Variants in TPST2 observed in about 807,000 individuals in gnomAD.
TPST2 encodes tyrosylprotein sulfotransferase 2.
A neutral mutation model predicts 27.8 loss-of-function variants in TPST2; 16 were observed. That is an observed-to-expected ratio of 0.58 (90% CI 0.39 to 0.88). TPST2 has a LOEUF of 0.88. TPST2 is among the 40% of genes least tolerant of loss of function. The probability of loss-of-function intolerance (pLI) is 0.00; values close to 1 mark genes in which losing one functional copy is unlikely to be tolerated. For synonymous variants in TPST2, 229 were observed against 231.7 expected (o/e 0.99, Z 0.10); for missense variants, 464 against 543.1 (o/e 0.85, Z 1.45).
At chr22:26,530,778 G>A (rs558928199) in intron 5 of TPST2, among the ~76,000 whole-genome samples, 4 of 152,294 alleles carry the variant, frequency 2.6e-5, no homozygotes, top group South Asian at 2.1e-4. Context: ...GGGAGGCCGA[G>A]GTGGGTGGAT....
At chr22:26,589,013 C>A (rs1483983125) in intron 1 of TPST2, among the ~76,000 whole-genome samples, 1 of 152,104 alleles carries the variant, frequency 6.6e-6, no homozygotes, top group Non-Finnish European at 1.5e-5. Flanking sequence ...GGAAGGCTTC[C>A]CGGAGGAGGT....
chr22:26,568,409 G>A (rs1253283487), intron 1 of TPST2, among the ~76,000 whole-genome samples: 1 of 152,164 alleles, frequency 6.6e-6, no homozygotes, highest in Non-Finnish European at 1.5e-5. Flanking sequence ...AAGAGGTCAG[G>A]CATTCTTTGT....
intron 1 of TPST2, among the ~76,000 whole-genome samples, chr22:26,583,551 G>A (rs1181497624): frequency 3.1e-5 from 4 of 130,528 alleles, no homozygotes; most frequent in East Asian, 4.4e-4. Context: ...CTCTTGGAGC[G>A]TGTCAAAAAA....
In TPST2 at chr22:26,541,111, G is replaced by C; in HGVS notation, c.520C>G (p.Pro174Ala). 1 of 1,607,734 alleles carries C rather than the reference G, an allele frequency of 6.2e-7. No individual in the cohort carries two copies. Among genetic ancestry groups the C allele is most frequent in the Non-Finnish European group, 8.5e-7 (1 of 1,175,302 alleles). Residue 174 changes from proline to alanine, a missense_variant, in exon 3 of 7, where the codon CCC becomes GCC. Physicochemically the swap from Pro to Ala is conservative, Grantham distance 27 (BLOSUM62 -1). Coordinates refer to ENST00000338754, the MANE Select transcript of TPST2 (RefSeq NM_003595.5). The surrounding 1 kb of genome is among the most constrained non-coding windows in gnomAD (Gnocchi z 5.9). ...KSSVYLSRLFPNSKFLLMVRD... is the reference protein window; with the variant it reads ...KSSVYLSRLFANSKFLLMVRD... ...ACCATCAGCAGGAACTTGGAGTTGGGGAACAGGCGCGACAGGTAGACCGAG... is the reference window on the plus strand; with the variant it reads ...ACCATCAGCAGGAACTTGGAGTTGGCGAACAGGCGCGACAGGTAGACCGAG...
chr22:26,569,942 ACT>A (rs1927536354), intron 1 of TPST2, among the ~76,000 whole-genome samples: 1 of 123,348 alleles, frequency 8.1e-6, no homozygotes, highest in South Asian at 2.7e-4. Flanking sequence ...TCAGAGCAAG[ACT>A]CTGTCAAAAA....
intron 3 of TPST2, among the ~76,000 whole-genome samples, chr22:26,537,667 G>A (rs1925544665): frequency 1.3e-5 from 2 of 152,106 alleles, no homozygotes; most frequent in South Asian, 4.1e-4. Flanking sequence ...TGGCCAGGCT[G>A]GTCTCGAACT....
intron 1 of TPST2, among the ~76,000 whole-genome samples, chr22:26,557,289 C>A (rs965273026): frequency 6.6e-6 from 1 of 152,222 alleles, no homozygotes; most frequent in Non-Finnish European, 1.5e-5. Flanking sequence ...TGCTGCCAGC[C>A]AGACTGGGCG....
At chr22:26,563,530 C>T (rs1038238678) in intron 1 of TPST2, among the ~76,000 whole-genome samples, 2 of 151,932 alleles carry the variant, frequency 1.3e-5, no homozygotes, top group East Asian at 1.9e-4. Flanking sequence ...GGGGTTTCAC[C>T]GTGTTAGCCA....
At chr22:26,528,793 G>A (rs1285919337) in intron 5 of TPST2, among the ~76,000 whole-genome samples, 1 of 152,018 alleles carries the variant, frequency 6.6e-6, no homozygotes, top group South Asian at 2.1e-4. Flanking sequence ...GACCAGCCTG[G>A]CCAACATGGC....
intron 1 of TPST2, among the ~76,000 whole-genome samples, chr22:26,573,096 A>T (rs2283839): frequency 1.3e-5 from 2 of 151,936 alleles, no homozygotes; most frequent in South Asian, 4.1e-4. Flanking sequence ...AATTAATGAT[A>T]GTTCCTGGCT....
At chr22:26,546,890 G>A (rs544699044) in intron 1 of TPST2, among the ~76,000 whole-genome samples, 1 of 152,332 alleles carries the variant, frequency 6.6e-6, no homozygotes, top group Non-Finnish European at 1.5e-5. Context: ...GGAAGAGGAA[G>A]AGGAGAGAGA....
At position 26,525,532 on chromosome 22, in the gene TPST2, G is replaced by A. The variant is rs776446689; in HGVS notation, c.*743C>T. 1 of 152,172 alleles carries A rather than the reference G, an allele frequency of 6.6e-6. No individual in the cohort carries two copies. Among genetic ancestry groups the A allele is most frequent in the Non-Finnish European group, 1.5e-5 (1 of 68,048 alleles). The allele number at this position is 152,172 out of a possible 1,614,324, so 9.4% of individuals were successfully genotyped here. A position where few individuals can be genotyped will look rare whatever the true frequency, so the allele number is the denominator to read the frequency against. Reference sequence around the variant, plus strand: ...CCCGGCCTCTTTTGCTGATTTTAATGTTTATCCTTTTGCTGTAATAAACCA... The same window carrying A: ...CCCGGCCTCTTTTGCTGATTTTAATATTTATCCTTTTGCTGTAATAAACCA... On this transcript the variant is annotated 3_prime_UTR_variant, in exon 7 of 7. Transcript: ENST00000338754.
intron 3 of TPST2, among the ~76,000 whole-genome samples, chr22:26,539,645 T>A (rs1925680944): frequency 6.6e-6 from 1 of 150,850 alleles, no homozygotes; most frequent in African/African-American, 2.4e-5. Flanking sequence ...GATGCTCGCC[T>A]GTAGTCCCAA....
At chr22:26,570,471 C>T (rs964576824) in intron 1 of TPST2, among the ~76,000 whole-genome samples, 4 of 152,100 alleles carry the variant, frequency 2.6e-5, no homozygotes, top group Non-Finnish European at 4.4e-5. Flanking sequence ...CCCATGAAAA[C>T]GTTTACAGGG....
rs186490877 is a variant in TPST2, at chr22:26,560,433, C to T, written c.-160-15758G>A. 937 of 677,484 alleles carry T rather than the reference C, an allele frequency of 1.4e-3. 3 individuals are homozygous for T. Among genetic ancestry groups the T allele is most frequent in the Non-Finnish European group, 2.2e-3 (853 of 382,544 alleles). The allele number at this position is 677,484 out of a possible 1,614,324, so 42.0% of individuals were successfully genotyped here. A position where few individuals can be genotyped will look rare whatever the true frequency, so the allele number is the denominator to read the frequency against. On this transcript the variant is annotated intron_variant, in intron 1 of 6. Transcript: ENST00000338754. ...GGATTAAATAAGATATTGTGCATTGCAGTACACTGAGCTCCACAGAGACAG... is the reference window on the plus strand; with the variant it reads ...GGATTAAATAAGATATTGTGCATTGTAGTACACTGAGCTCCACAGAGACAG...
intron 1 of TPST2, chr22:26,550,537 C>A: frequency 4.1e-6 from 4 of 971,568 alleles, no homozygotes; most frequent in Non-Finnish European, 4.9e-6. Context: ...AGGGAGGGGA[C>A]AACAGCGGGG....
intron 1 of TPST2, among the ~76,000 whole-genome samples, chr22:26,562,514 T>G (rs550787069): frequency 6.6e-6 from 1 of 152,174 alleles, no homozygotes; most frequent in South Asian, 2.1e-4. Context: ...AAGGCATAAG[T>G]CTCTTTGGAG....
At chr22:26,568,454 A>G (rs557782514) in intron 1 of TPST2, among the ~76,000 whole-genome samples, 18 of 152,334 alleles carry the variant, frequency 1.2e-4, no homozygotes, top group African/African-American at 4.3e-4. Context: ...CTGCTTTCAC[A>G]AGATACAGGT....
chr22:26,572,809 A>G (rs564420874), intron 1 of TPST2, among the ~76,000 whole-genome samples: 3 of 151,138 alleles, frequency 2.0e-5, no homozygotes, highest in South Asian at 4.2e-4. Context: ...TTTTTTTCCT[A>G]CACTTATCAC....
Sources: allele counts gnomAD v4.1 joint callset (sites outside exome capture counted in the v4.1 genomes callset), GRCh38; gene constraint gnomAD v4.1.1; non-coding constraint Gnocchi (gnomAD v3.1); transcripts MANE v1.5; gene names NCBI Gene and HGNC (gene_info 2026-07-23, HGNC 2026-07-21).